The following CFAP65 variants were observed in gnomAD, a reference collection of about 807,000 sequenced individuals.
The protein encoded by CFAP65 is cilia- and flagella-associated protein 65.
Under a neutral mutation model 208.0 loss-of-function variants are expected in CFAP65, and 155 were observed. The observed-to-expected ratio is 0.75, with a 90% CI of 0.65 to 0.85. The LOEUF is 0.85. Ranked by LOEUF, CFAP65 falls within the 40% of genes least tolerant of loss-of-function variation. The pLI is 0.00. For synonymous variants in CFAP65, 970 were observed against 986.3 expected, an observed-to-expected ratio of 0.98 and a Z score of 0.31; for missense variants, 2,294 against 2,451.3, an observed-to-expected ratio of 0.94 and a Z score of 1.36.
chr2:219,027,776 G>A lies in CFAP65; in HGVS notation c.2085C>T (p.Pro695=), dbSNP rs201646976. Residue 695 remains proline (P), a synonymous_variant, in exon 13 of 35, where the codon CCC becomes CCT. Coordinates refer to ENST00000341552, the MANE Select transcript of CFAP65 (RefSeq NM_194302.4). ...MVVWTRRSDC[P]FWVTPESCDV... Reference sequence around the variant, plus strand: ...CGCAGCTCTCTGGAGTCACCCAGAAGGGGCAGTCAGACCTTCGCGTCCAGA... The same window carrying A: ...CGCAGCTCTCTGGAGTCACCCAGAAAGGGCAGTCAGACCTTCGCGTCCAGA... 7 of 1,614,016 alleles carry A rather than the reference G, an allele frequency of 4.3e-6. No homozygotes were observed. The highest frequency in any genetic ancestry group is 2.2e-5 in the East Asian group (1 of 44,880).
In CFAP65 at chr2:219,032,013, C is replaced by T. The variant is rs558300379; in HGVS notation, c.646-355G>A. Among the ~76,000 whole-genome samples, 2 of 151,220 alleles carry T rather than the reference C, an allele frequency of 1.3e-5. No homozygotes were observed. The highest frequency in any genetic ancestry group is 2.4e-5 in the African/African-American group (1 of 41,018). ...TCAGCTCACTGCAACAGCCGCCTCCCGGTTCAAGTGATTCTGCTGCCTCAG... is the reference window on the plus strand; with the variant it reads ...TCAGCTCACTGCAACAGCCGCCTCCTGGTTCAAGTGATTCTGCTGCCTCAG... On this transcript the variant is annotated intron_variant, in intron 6 of 34. Transcript: ENST00000341552. The surrounding 1 kb of genome is among the most constrained non-coding windows in gnomAD (Gnocchi z 5.5).
intron 21 of CFAP65, chr2:219,014,924 G>A (rs114373460): frequency 0.016 from 2,401 of 147,020 alleles, 30 homozygotes; most frequent in Non-Finnish European, 0.028. Flanking sequence ...CTGAGAGCAC[G>A]CAACACACAC....
chr2:219,021,254 T>C lies in CFAP65; in HGVS notation c.3157A>G (p.Ser1053Gly), dbSNP rs1947246202. 6.2e-7 allele frequency: 1 copy of C among 1,602,886 alleles called. No individual in the cohort carries two copies. The highest frequency in any genetic ancestry group is 8.5e-7 in the Non-Finnish European group (1 of 1,174,342). ...LALQLDRTEG[S>G]MPPRSQDTIC... The stretch of plus-strand genomic sequence containing the variant: ...GTGTCCTGGGACCGGGGTGGCATGC[T>C]CCCCTCTGTTCGGTCCAGCTGCAGA... The change falls in exon 19 of 35, where the codon AGC (serine) becomes GGC (glycine). Residue 1053 changes from serine to glycine, a missense_variant. Coordinates refer to ENST00000341552, the MANE Select transcript of CFAP65 (RefSeq NM_194302.4).
chr2:219,023,384 G>A lies in CFAP65; in HGVS notation c.2643C>T (p.Asp881=). The A allele has an allele frequency of 6.3e-7, 1 of 1,599,324 alleles. No individual in the cohort carries two copies. The highest frequency in any genetic ancestry group is 1.1e-5 in the South Asian group (1 of 88,548). The part of the protein sequence containing the change: ...SREEPLQLKL[D]THKSLYFKPT... ...GCTTGAAGTAGAGGCTTTTGTGGGTGTCCAGCTTCAGCTGCAGTGGCTCCT... is the reference window on the plus strand; with the variant it reads ...GCTTGAAGTAGAGGCTTTTGTGGGTATCCAGCTTCAGCTGCAGTGGCTCCT... Residue 881 remains aspartate (D), a synonymous_variant, in exon 16 of 35, where the codon GAC becomes GAT. Transcript: ENST00000341552.
chr2:219,028,264 A>G lies in CFAP65; in HGVS notation c.1788T>C (p.Asp596=). The G allele has an allele frequency of 6.2e-7, 1 of 1,614,048 alleles. No individual in the cohort carries two copies. ...GLTLYPPDIL[D]AMLKEKKLAQ... The stretch of plus-strand genomic sequence containing the variant: ...CCAGCTTCTTCTCCTTCAGCATGGC[A>G]TCCAGGATGTCAGGGGGGTAGAGCG... The change falls in exon 12 of 35, where the codon GAT becomes GAC. Residue 596 remains aspartate, a synonymous_variant. Transcript: ENST00000341552.
intron 18 of CFAP65, among the ~76,000 whole-genome samples, chr2:219,021,518 G>A (rs556443576): frequency 6.6e-6 from 1 of 152,264 alleles, no homozygotes; most frequent in East Asian, 1.9e-4. Flanking sequence ...GTGCCACCTG[G>A]TGCCCCTTTT....
rs2106235706 is a variant in CFAP65, at chr2:219,031,461, C to A, written c.815+28G>T. On this transcript the variant is annotated intron_variant, in intron 7 of 34. Transcript: ENST00000341552. The surrounding 1 kb of genome is among the most constrained non-coding windows in gnomAD (Gnocchi z 5.2). ...ACACCCTCCTCACAGCTCTTGCTCTCCCCGCCGCACCTCAGCCTCTTCCTC... is the reference window on the plus strand; with the variant it reads ...ACACCCTCCTCACAGCTCTTGCTCTACCCGCCGCACCTCAGCCTCTTCCTC... 1.9e-6 allele frequency: 3 copies of A among 1,614,044 alleles called. No individual in the cohort carries two copies. The East Asian group carries it at 6.7e-5, about 36-fold the overall frequency.
Position 219,024,349 on chromosome 2 carries a change from C to T in CFAP65, c.2350-89G>A, listed in dbSNP as rs553510846. On this transcript the variant is annotated intron_variant, in intron 14 of 34. Coordinates refer to ENST00000341552, the MANE Select transcript of CFAP65 (RefSeq NM_194302.4). ...GGGCCCTATGGGGGCTTGGGAGGAG[C>T]TGTCTCCAAGTAGATCAGAGGTGCT... 8 of 1,496,120 alleles carry T rather than the reference C, an allele frequency of 5.3e-6. No homozygotes were observed. The South Asian group carries it at 1.1e-4, about 20-fold the overall frequency. 92.7% of individuals were successfully genotyped at this position (1,496,120 alleles called of 1,614,324 possible). A position where few individuals can be genotyped will look rare whatever the true frequency, so the allele number is the denominator to read the frequency against.
chr2:219,030,687 A>G lies in CFAP65; in HGVS notation c.1161+2T>C. ...CTGCCGCCCCTCCTGCCTGGTGCCT[A>G]CCGCCGACGGGTTGTGTAGCCTGAT... On this transcript the variant is annotated splice_donor_variant, in intron 9 of 34. Coordinates refer to ENST00000341552, the MANE Select transcript of CFAP65 (RefSeq NM_194302.4). LOFTEE classifies it high-confidence loss of function. The G allele has an allele frequency of 6.2e-7, 1 of 1,612,402 alleles. No homozygotes were observed. The highest frequency in any genetic ancestry group is 8.5e-7 in the Non-Finnish European group (1 of 1,178,922).
intron 21 of CFAP65, chr2:219,014,610 C>T (rs566460122): frequency 1.3e-5 from 2 of 152,668 alleles, no homozygotes; most frequent in South Asian, 2.1e-4. Context: ...GACAAAGGGT[C>T]CTGAGGTCAC....
At chr2:219,020,179 C>G (rs1044570392) in intron 19 of CFAP65, among the ~76,000 whole-genome samples, 1 of 152,038 alleles carries the variant, frequency 6.6e-6, no homozygotes, top group East Asian at 1.9e-4. Flanking sequence ...CCCAGGCAAC[C>G]GCTAATCTAC....
Position 219,032,672 on chromosome 2 carries a change from C to T in CFAP65, c.543-100G>A, listed in dbSNP as rs375195919. On this transcript the variant is annotated intron_variant, in intron 5 of 34. Coordinates refer to ENST00000341552, the MANE Select transcript of CFAP65 (RefSeq NM_194302.4). This position sits in a 1 kb window ranked among gnomAD's most constrained non-coding sequence, Gnocchi z 5.5. ...GCCCTGCAGCCAAGGGAGCTTGAGTCCCTGGGACCACAGAGAAAGCGATCA... is the reference window on the plus strand; with the variant it reads ...GCCCTGCAGCCAAGGGAGCTTGAGTTCCTGGGACCACAGAGAAAGCGATCA... 2 of 1,001,446 alleles carry T rather than the reference C, an allele frequency of 2.0e-6. No homozygotes were observed. Among genetic ancestry groups the T allele is most frequent in the South Asian group, 1.6e-5 (1 of 64,294 alleles). 62.0% of individuals were successfully genotyped at this position (1,001,446 alleles called of 1,614,324 possible).
At position 219,019,601 on chromosome 2, in the gene CFAP65, G is replaced by A. The variant is rs750366129; in HGVS notation, c.3378C>T (p.His1126=). The A allele has an allele frequency of 5.0e-6, 8 of 1,613,712 alleles. No individual in the cohort carries two copies. In the Admixed American group the frequency reaches 5.0e-5, roughly 10 times the overall value. ...MGSAEGITRK[H]LWRLFSLDLL... ...GGTCCAGAGAGAAGAGGCGCCACAG[G>A]TGCTTCCGGGTGATACCCTCAGCAC... The change falls in exon 20 of 35, where the codon CAC becomes CAT. Residue 1126 remains histidine (H), a synonymous_variant. Transcript: ENST00000341552.
Position 219,019,387 on chromosome 2 carries a change from C to T in CFAP65, c.3473+119G>A, listed in dbSNP as rs758239506. 3 of 1,093,050 alleles carry T rather than the reference C, an allele frequency of 2.7e-6. No homozygotes were observed. In the South Asian group the frequency reaches 4.8e-5, roughly 17 times the overall value. 67.7% of individuals were successfully genotyped at this position (1,093,050 alleles called of 1,614,324 possible). A position where few individuals can be genotyped will look rare whatever the true frequency, so the allele number is the denominator to read the frequency against. On this transcript the variant is annotated intron_variant, in intron 20 of 34. Coordinates refer to ENST00000341552, the MANE Select transcript of CFAP65 (RefSeq NM_194302.4). ...AGGGATGGGCGAGAACTGGGGAGCT[C>T]TTCCCTCAAAGAGATGGGAAACAGC...
intron 22 of CFAP65, 45 bp from the exon 23 acceptor site, chr2:219,013,630 G>C (rs1559126733): frequency 2.0e-6 from 3 of 1,522,934 alleles, no homozygotes; most frequent in African/African-American, 1.4e-5. Flanking sequence ...TGGAGCCCTG[G>C]TACAAGTAGG....
rs1231069260 is a variant in CFAP65, at chr2:219,031,011, G to T, written c.1015+95C>A. On this transcript the variant is annotated intron_variant, in intron 8 of 34. Transcript: ENST00000341552. The surrounding 1 kb of genome is among the most constrained non-coding windows in gnomAD (Gnocchi z 5.2). ...GGGCAGGAGGCCGGTGGAGGCGGGG[G>T]CCAGGCCAGATGGGAGGTGGGGGAC... The T allele has an allele frequency of 6.9e-6, 10 of 1,447,092 alleles. No homozygotes were observed. Among genetic ancestry groups the T allele is most frequent in the Non-Finnish European group, 9.3e-6 (10 of 1,070,354 alleles). The allele number at this position is 1,447,092 out of a possible 1,614,324, so 89.6% of individuals were successfully genotyped here.
intron 21 of CFAP65, among the ~76,000 whole-genome samples, chr2:219,017,759 C>T (rs1301689687): frequency 6.6e-6 from 1 of 152,248 alleles, no homozygotes; most frequent in African/African-American, 2.4e-5. Context: ...AGGCCAACAC[C>T]GCTTTTTCTG....
intron 21 of CFAP65, 153 bp downstream of exon 21, chr2:219,018,898 C>T (rs1947082161): frequency 1.9e-6 from 2 of 1,034,820 alleles, no homozygotes; most frequent in African/African-American, 1.6e-5. Context: ...AACCCCAGTT[C>T]CACCCTGGCC....
chr2:219,021,331 T>A, intron 18 of CFAP65, 51 bp from the exon 19 acceptor site: 1 of 1,494,754 alleles, frequency 6.7e-7, no homozygotes, highest in Non-Finnish European at 8.9e-7. Flanking sequence ...GCCCAGCCAT[T>A]CCTCCTGCTC....
Sources: gnomAD v4.1 joint callset for allele counts (sites outside exome capture counted in the v4.1 genomes callset) on GRCh38, gnomAD v4.1.1 for gene constraint, Gnocchi (gnomAD v3.1) non-coding constraint, MANE v1.5 for transcripts, NCBI Gene and HGNC (gene_info 2026-07-23, HGNC 2026-07-21) for gene names.